The following PTPRD variants were observed in gnomAD, a reference collection of about 807,000 sequenced individuals.
PTPRD encodes protein tyrosine phosphatase receptor type D, also known as receptor-type tyrosine-protein phosphatase delta.
Under a neutral mutation model 214.5 loss-of-function variants are expected in PTPRD, and 34 were observed. The observed-to-expected ratio is 0.16, with a 90% CI of 0.12 to 0.21. The LOEUF (loss-of-function observed/expected upper bound fraction) is 0.21, where lower values mean the gene tolerates loss of function less well. Ranked by LOEUF, PTPRD falls within the 10% of genes least tolerant of loss-of-function variation. The pLI, the probability that PTPRD is intolerant of heterozygous loss-of-function variation, is 1.00. For missense variants in PTPRD, 2,545 were observed against 2,398.7 expected (o/e 1.06, Z -1.27); for synonymous variants, 1,128 against 845.7 (o/e 1.33, Z -5.79).
intron 8 of PTPRD, among the ~76,000 whole-genome samples, chr9:9,432,951 A>T (rs1237188089): frequency 6.6e-6 from 1 of 152,160 alleles, no homozygotes; most frequent in Non-Finnish European, 1.5e-5. Flanking sequence ...CACTAAGAGC[A>T]TCCCTCAGAT....
intron 3 of PTPRD, among the ~76,000 whole-genome samples, chr9:10,189,149 C>T (rs1001944559): frequency 6.6e-6 from 1 of 152,126 alleles, no homozygotes; most frequent in East Asian, 1.9e-4. Context: ...TGAATAAATG[C>T]TTTGGACTGG....
In PTPRD at chr9:9,253,712, T is replaced by G. The variant is rs531780479; in HGVS notation, c.-202-70349A>C. ...TTTTCGTAGTCCTCTTTCCTTTGGG[T>G]GAAATATTCCTACATTTGTTGAGCT... On this transcript the variant is annotated intron_variant, in intron 9 of 45. Transcript: ENST00000381196. Among the ~76,000 whole-genome samples, 13 of 152,234 alleles carry G rather than the reference T, an allele frequency of 8.5e-5. No individual in the cohort carries two copies. In the South Asian group the frequency reaches 2.7e-3, roughly 32 times the overall value.
At chr9:8,368,134 G>C (rs1340161260) in intron 39 of PTPRD, among the ~76,000 whole-genome samples, 1 of 152,098 alleles carries the variant, frequency 6.6e-6, no homozygotes, top group Non-Finnish European at 1.5e-5. Context: ...CCATTTGTAG[G>C]ATACACATTG....
At chr9:9,938,869 C>T (rs1379292612) in intron 4 of PTPRD, among the ~76,000 whole-genome samples, 1 of 152,132 alleles carries the variant, frequency 6.6e-6, no homozygotes, top group Non-Finnish European at 1.5e-5. Flanking sequence ...TGAGCACAAT[C>T]ATTCCTATCC....
chr9:8,950,704 T>G (rs1183896353), intron 11 of PTPRD, among the ~76,000 whole-genome samples: 2 of 147,786 alleles, frequency 1.4e-5, no homozygotes, highest in Non-Finnish European at 3.0e-5. Context: ...AATTATGTTT[T>G]TCTTTTTTTT....
chr9:9,728,576 A>G (rs2098132288), intron 7 of PTPRD, among the ~76,000 whole-genome samples: 1 of 152,210 alleles, frequency 6.6e-6, no homozygotes, highest in Non-Finnish European at 1.5e-5. Context: ...CCAAAGACAT[A>G]GGAAGCAGGT....
intron 4 of PTPRD, among the ~76,000 whole-genome samples, chr9:9,949,692 A>T (rs191586087): frequency 2.6e-4 from 40 of 152,078 alleles, no homozygotes; most frequent in East Asian, 1.4e-3. Flanking sequence ...ACAAACAAAC[A>T]AACTAACAAC....
chr9:8,381,811 G>A (rs1420576574), intron 37 of PTPRD, among the ~76,000 whole-genome samples: 1 of 152,128 alleles, frequency 6.6e-6, no homozygotes, highest in South Asian at 2.1e-4. Context: ...GTTGACATAG[G>A]GAGCTGCCGT....
chr9:9,983,157 A>C (rs148013862), intron 4 of PTPRD, among the ~76,000 whole-genome samples: 22 of 152,228 alleles, frequency 1.4e-4, no homozygotes, highest in African/African-American at 5.1e-4. Flanking sequence ...CTAGACTTTG[A>C]TTCAGAATGG....
At chr9:8,528,819 T>C in intron 14 of PTPRD, 40 bp from the exon 15 acceptor site, 1 of 1,589,972 alleles carries the variant, frequency 6.3e-7, no homozygotes, top group Middle Eastern at 1.8e-4. Flanking sequence ...AGTTAATAAG[T>C]CAGATGCTCC....
chr9:9,816,410 C>G (rs1728090613), intron 5 of PTPRD, among the ~76,000 whole-genome samples: 2 of 151,950 alleles, frequency 1.3e-5, no homozygotes, highest in African/African-American at 4.8e-5. Flanking sequence ...ATGTTCCACA[C>G]AAATAAGCTA....
intron 10 of PTPRD, among the ~76,000 whole-genome samples, chr9:9,133,800 T>C (rs1262783915): frequency 6.6e-6 from 1 of 152,152 alleles, no homozygotes; most frequent in Non-Finnish European, 1.5e-5. Context: ...GGGGCTGAGC[T>C]GCCTGTGCAC....
chr9:10,516,401 C>G (rs1447787762), intron 2 of PTPRD, among the ~76,000 whole-genome samples: 2 of 151,816 alleles, frequency 1.3e-5, no homozygotes, highest in African/African-American at 2.4e-5. Context: ...AAGCCCTTAG[C>G]TCATTTTTTA....
chr9:10,235,532 C>T (rs2099626205), intron 3 of PTPRD, among the ~76,000 whole-genome samples: 2 of 151,956 alleles, frequency 1.3e-5, no homozygotes, highest in African/African-American at 4.8e-5. Flanking sequence ...AATTAGAAGA[C>T]ACTTGGTGAT....
intron 9 of PTPRD, among the ~76,000 whole-genome samples, chr9:9,338,927 C>A (rs934091374): frequency 6.6e-6 from 1 of 152,074 alleles, no homozygotes; most frequent in African/African-American, 2.4e-5. Flanking sequence ...CCAAAACTTT[C>A]TATCAAAGAG....
chr9:10,433,244 A>G (rs569664659), intron 2 of PTPRD, among the ~76,000 whole-genome samples: 1 of 152,082 alleles, frequency 6.6e-6, no homozygotes, highest in African/African-American at 2.4e-5. Context: ...AAGTTTATAT[A>G]CACACAGGCT....
intron 9 of PTPRD, among the ~76,000 whole-genome samples, chr9:9,326,206 A>T (rs956207298): frequency 4.6e-5 from 7 of 152,142 alleles, no homozygotes; most frequent in Admixed American, 2.6e-4. Context: ...CCATCCAGGA[A>T]GCCGTATCTT....
At chr9:8,718,935 GCA>G (rs1391918155) in intron 12 of PTPRD, among the ~76,000 whole-genome samples, 1 of 151,806 alleles carries the variant, frequency 6.6e-6, no homozygotes, top group Non-Finnish European at 1.5e-5. Context: ...TGATTTATAA[GCA>G]CCAAAATGGT....
At chr9:8,518,546 A>G (rs2097827911) in intron 20 of PTPRD, 117 bp from the exon 21 acceptor site, 3 of 740,094 alleles carry the variant, frequency 4.1e-6, no homozygotes, top group Non-Finnish European at 6.2e-6. Context: ...ATTTAATTAA[A>G]TGAAATTATA....
Sources: gnomAD v4.1 joint callset for allele counts (sites outside exome capture counted in the v4.1 genomes callset) on GRCh38, gnomAD v4.1.1 for gene constraint, MANE v1.5 for transcripts, NCBI Gene and HGNC (gene_info 2026-07-23, HGNC 2026-07-21) for gene names.